SMS: variants seen among roughly 807,000 people sequenced by gnomAD.
SMS encodes spermine synthase, also known as spermidine aminopropyltransferase.
Under a neutral mutation model 33.0 loss-of-function variants are expected in SMS, and 3 were observed. The ratio of observed to expected loss-of-function variants is 0.09; its 90% CI spans 0.04 to 0.23. The LOEUF (loss-of-function observed/expected upper bound fraction) is 0.23. Among genes scored for constraint, SMS ranks in the 10% least tolerant of loss-of-function variants. The pLI, the probability that SMS is intolerant of heterozygous loss-of-function variation, is 1.00. For missense variants in SMS, 117 were observed against 288.6 expected (o/e 0.41, Z 4.31); for synonymous variants, 103 against 112.2 (o/e 0.92, Z 0.52).
At chrX:21,969,158 CT>C (rs780979892) in intron 2 of SMS, among the ~76,000 whole-genome samples, 23 of 111,598 alleles carry the variant, frequency 2.1e-4, no homozygotes, top group African/African-American at 7.2e-4. Flanking sequence ...ACTATTCTCT[CT>C]ATAAGTCTCC....
At chrX:21,967,429 T>C in intron 2 of SMS, 113 bp downstream of exon 2, 1 of 820,555 alleles carries the variant, frequency 1.2e-6, no homozygotes, top group East Asian at 3.3e-5. Flanking sequence ...TGACATCTTT[T>C]AGGATGGGAA....
chrX:21,958,522 T>C (rs966539860), intron 1 of SMS, among the ~76,000 whole-genome samples: 1 of 112,197 alleles, frequency 8.9e-6, no homozygotes, highest in East Asian at 2.8e-4. Context: ...TCAGGATATT[T>C]GCGGTTGCGT....
At chrX:21,991,023 G>GC (rs775842680) in intron 9 of SMS, among the ~76,000 whole-genome samples, 2 of 112,140 alleles carry the variant, frequency 1.8e-5, no homozygotes, top group Admixed American at 9.4e-5. Context: ...AACCACCAAG[G>GC]CCAGCTCTCA....
chrX:21,940,864 G>C lies in SMS; in HGVS notation c.40G>C (p.Gly14Arg), dbSNP rs1224045759. 1.8e-6 allele frequency: 2 copies of C among 1,100,881 alleles called. No individual in the cohort carries two copies. The highest frequency in any genetic ancestry group is 1.2e-6 in the Non-Finnish European group (1 of 843,978). The allele number at this position is 1,100,881 out of a possible 1,213,427, so 90.7% of individuals were successfully genotyped here. A position where few individuals can be genotyped will look rare whatever the true frequency, so the allele number is the denominator to read the frequency against. ...GCACAGCACGCTCGACTTCATGCTC[G>C]GCGCCAAAGGTGAGGGCGCCCGCCG... The part of the protein sequence containing the change: ...ARHSTLDFML[G>R]AKADGETILK... The change falls in exon 1 of 11, where the codon GGC becomes CGC. Residue 14 changes from glycine to arginine, a missense_variant. Physicochemically the swap from Gly to Arg is moderately radical, Grantham distance 125. Coordinates refer to ENST00000404933, the MANE Select transcript of SMS (RefSeq NM_004595.5).
intron 1 of SMS, among the ~76,000 whole-genome samples, chrX:21,944,821 T>TA (rs768934834): frequency 1.8e-5 from 2 of 110,153 alleles, no homozygotes; most frequent in African/African-American, 6.6e-5. Flanking sequence ...CTACTAAAAA[T>TA]ACAAAAATCA....
intron 9 of SMS, among the ~76,000 whole-genome samples, chrX:21,988,662 C>CACAAAAAAAAAAAAA (rs1925538926): frequency 1.5e-5 from 1 of 66,156 alleles, no homozygotes; most frequent in African/African-American, 5.4e-5. Context: ...GACTCTGTCT[C>CACAAAAAAAAAAAAA]AAAAAAAAAA....
chrX:21,946,917 G>A (rs1289072712), intron 1 of SMS, among the ~76,000 whole-genome samples: 2 of 111,385 alleles, frequency 1.8e-5, no homozygotes, highest in Non-Finnish European at 3.8e-5. Context: ...GATGGGCCCT[G>A]TCTTTCTCTA....
At chrX:21,959,177 G>C (rs938894768) in intron 1 of SMS, among the ~76,000 whole-genome samples, 4 of 112,516 alleles carry the variant, frequency 3.6e-5, no homozygotes, top group African/African-American at 9.7e-5. Flanking sequence ...CATGCCAAAG[G>C]ACCACCTGCT....
At chrX:21,952,853 C>T (rs748417670) in intron 1 of SMS, among the ~76,000 whole-genome samples, 2 of 109,236 alleles carry the variant, frequency 1.8e-5, no homozygotes, top group African/African-American at 6.7e-5. Context: ...GGCAATTTTC[C>T]TGCCTCACCC....
chrX:21,951,644 C>A (rs1281925850), intron 1 of SMS, among the ~76,000 whole-genome samples: 3 of 109,743 alleles, frequency 2.7e-5, no homozygotes, highest in Non-Finnish European at 5.7e-5. Context: ...GGTCCAGTTT[C>A]TGTTTTCTGC....
chrX:21,971,387 G>A (rs1405058917), intron 2 of SMS, among the ~76,000 whole-genome samples: 1 of 111,437 alleles, frequency 9.0e-6, no homozygotes, highest in Admixed American at 9.5e-5. Context: ...TAGCTTGCAG[G>A]CTTTACAAAA....
chrX:21,980,322 C>T (rs893628419), intron 7 of SMS, among the ~76,000 whole-genome samples: 39 of 104,130 alleles, frequency 3.7e-4, no homozygotes, highest in Non-Finnish European at 6.6e-4. Flanking sequence ...AAGGCTGAGG[C>T]AGGAGAATCG....
intron 1 of SMS, among the ~76,000 whole-genome samples, chrX:21,941,920 A>C (rs1250026705): frequency 4.3e-5 from 4 of 92,791 alleles, no homozygotes; most frequent in Admixed American, 1.2e-4. Context: ...AAAAAAAAAA[A>C]AAACCCGACC....
intron 10 of SMS, among the ~76,000 whole-genome samples, chrX:21,993,130 G>A (rs911859777): frequency 8.9e-6 from 1 of 112,095 alleles, no homozygotes; most frequent in Non-Finnish European, 1.9e-5. Flanking sequence ...CCCTCCCAGG[G>A]ATTTATGTGC....
chrX:21,948,021 C>T (rs1922354831), intron 1 of SMS, among the ~76,000 whole-genome samples: 1 of 111,293 alleles, frequency 9.0e-6, no homozygotes, highest in African/African-American at 3.3e-5. Context: ...TGCTCTTTTC[C>T]CAACTCTGCA....
chrX:21,965,374 C>T (rs1008520577), intron 1 of SMS, among the ~76,000 whole-genome samples: 6 of 110,701 alleles, frequency 5.4e-5, no homozygotes, highest in Non-Finnish European at 7.5e-5. Context: ...CGGTGGTCCA[C>T]GCCTGTAATC....
At chrX:21,954,435 A>C (rs1216974167) in intron 1 of SMS, among the ~76,000 whole-genome samples, 1 of 112,509 alleles carries the variant, frequency 8.9e-6, no homozygotes, top group Non-Finnish European at 1.9e-5. Context: ...AGCCATCTGG[A>C]AAAATTTGGA....
chrX:21,988,160 T>C (rs1455619952), intron 9 of SMS, among the ~76,000 whole-genome samples: 1 of 112,574 alleles, frequency 8.9e-6, no homozygotes, highest in African/African-American at 3.2e-5. Flanking sequence ...CATTTGGTGA[T>C]TGACACTGTC....
In SMS at chrX:21,972,590, G is replaced by T; in HGVS notation, c.329+19G>T. On this transcript the variant is annotated intron_variant, in intron 4 of 10. Coordinates refer to ENST00000404933, the MANE Select transcript of SMS (RefSeq NM_004595.5). ...TGAAACGGTAAGTCCACTCTTGAAT[G>T]TCCTTTTATATTTAATCGATTGAAA... 9.2e-7 allele frequency: 1 copy of T among 1,083,484 alleles called. No individual in the cohort carries two copies. Among genetic ancestry groups the T allele is most frequent in the Non-Finnish European group, 1.3e-6 (1 of 779,295 alleles). 89.3% of individuals were successfully genotyped at this position (1,083,484 alleles called of 1,213,427 possible). A position where few individuals can be genotyped will look rare whatever the true frequency, so the allele number is the denominator to read the frequency against.
Sources: allele counts gnomAD v4.1 joint callset (sites outside exome capture counted in the v4.1 genomes callset), GRCh38; gene constraint gnomAD v4.1.1; transcripts MANE v1.5; gene names NCBI Gene and HGNC (gene_info 2026-07-23, HGNC 2026-07-21).